Variants in PRKG1 observed in about 807,000 individuals in gnomAD.
PRKG1 encodes the protein cGMP-dependent protein kinase 1.
PRKG1 carries 35 observed loss-of-function variants against 88.1 expected under a neutral mutation model. The ratio of observed to expected loss-of-function variants is 0.40; its 90% CI spans 0.30 to 0.53. The LOEUF (loss-of-function observed/expected upper bound fraction) is 0.53. Among genes scored for constraint, PRKG1 ranks in the 20% least tolerant of loss-of-function variants. The probability of loss-of-function intolerance (pLI) is 0.59; values close to 1 mark genes in which losing one functional copy is unlikely to be tolerated. For synonymous variants in PRKG1, 303 were observed against 292.5 expected, an observed-to-expected ratio of 1.04 and a Z score of -0.37; for missense variants, 540 against 839.8, an observed-to-expected ratio of 0.64 and a Z score of 4.41.
At chr10:51,338,631 G>A (rs922573074) in intron 2 of PRKG1, among the ~76,000 whole-genome samples, 14 of 152,132 alleles carry the variant, frequency 9.2e-5, no homozygotes, top group African/African-American at 1.2e-4. Flanking sequence ...TACATGCAGC[G>A]CTGCCATTAA....
intron 7 of PRKG1, among the ~76,000 whole-genome samples, chr10:52,111,264 A>G (rs1847557462): frequency 6.6e-6 from 1 of 152,228 alleles, no homozygotes; most frequent in Non-Finnish European, 1.5e-5. Context: ...ATCTTCTTTA[A>G]ATTAAACAAT....
Position 51,762,514 on chromosome 10 carries a change from A to G in PRKG1, c.593-42071A>G, listed in dbSNP as rs137855833. 6.6e-3 allele frequency among the ~76,000 whole-genome samples: 1,008 copies of G among 152,332 alleles called. 10 individuals are homozygous for G. Among genetic ancestry groups the G allele is most frequent in the South Asian group, 0.024 (117 of 4,832 alleles). On this transcript the variant is annotated intron_variant, in intron 3 of 17. Transcript: ENST00000373980. ...ATATTCAATCGACCTTAAATTCTAC[A>G]TCTAAAATATGATGGATAAAATGCA...
intron 3 of PRKG1, among the ~76,000 whole-genome samples, chr10:51,534,507 A>G (rs1842093951): frequency 6.6e-6 from 1 of 151,406 alleles, no homozygotes; most frequent in African/African-American, 2.4e-5. Flanking sequence ...TCTCTCCTAA[A>G]AATACAAAAC....
At chr10:51,628,029 T>C (rs1297446171) in intron 3 of PRKG1, among the ~76,000 whole-genome samples, 3 of 140,108 alleles carry the variant, frequency 2.1e-5, no homozygotes, top group African/African-American at 7.7e-5. Context: ...TTTCTTTCTT[T>C]CTTTCTTTCC....
intron 3 of PRKG1, among the ~76,000 whole-genome samples, chr10:51,659,056 G>A (rs1353362798): frequency 6.6e-6 from 1 of 152,012 alleles, no homozygotes; most frequent in Non-Finnish European, 1.5e-5. Flanking sequence ...TATGCAATTT[G>A]CCCACTTTGC....
At chr10:51,432,192 G>T (rs1838791156) in intron 2 of PRKG1, among the ~76,000 whole-genome samples, 1 of 152,124 alleles carries the variant, frequency 6.6e-6, no homozygotes, top group Admixed American at 6.5e-5. Context: ...TATTGAAAGA[G>T]TTTTTAAACT....
chr10:51,996,219 A>T (rs1005386971), intron 5 of PRKG1, among the ~76,000 whole-genome samples: 4 of 147,262 alleles, frequency 2.7e-5, no homozygotes, highest in Admixed American at 6.9e-5. Context: ...GGAGGCTTTG[A>T]CAGGAGAATC....
At chr10:51,105,007 G>A (rs529167948) in intron 1 of PRKG1, among the ~76,000 whole-genome samples, 104 of 152,230 alleles carry the variant, frequency 6.8e-4, no homozygotes, top group African/African-American at 2.5e-3. Flanking sequence ...TGGGATTACA[G>A]GCATGGGCCA....
chr10:51,321,504 A>G (rs1031716275), intron 2 of PRKG1, among the ~76,000 whole-genome samples: 1 of 152,164 alleles, frequency 6.6e-6, no homozygotes, highest in Non-Finnish European at 1.5e-5. Context: ...AAGTGAAATA[A>G]GCCAGGCACG....
intron 5 of PRKG1, among the ~76,000 whole-genome samples, chr10:51,940,173 CT>C (rs978119630): frequency 4.0e-5 from 6 of 151,714 alleles, no homozygotes; most frequent in African/African-American, 1.5e-4. Context: ...ATATCCCCTG[CT>C]TTTTTTGGTT....
intron 1 of PRKG1, among the ~76,000 whole-genome samples, chr10:51,013,305 T>G (rs1843015357): frequency 6.6e-6 from 1 of 152,222 alleles, no homozygotes; most frequent in Non-Finnish European, 1.5e-5. Flanking sequence ...TCACTGCTGC[T>G]GCTACTATTA....
At chr10:51,545,892 C>A (rs544007624) in intron 3 of PRKG1, among the ~76,000 whole-genome samples, 167 of 151,982 alleles carry the variant, frequency 1.1e-3, no homozygotes, top group South Asian at 2.7e-3. Context: ...CCCTACACCC[C>A]CACCCAGCAC....
At position 51,777,264 on chromosome 10, in the gene PRKG1, T is replaced by C. The variant is rs546478044; in HGVS notation, c.593-27321T>C. On this transcript the variant is annotated intron_variant, in intron 3 of 17. Coordinates refer to ENST00000373980, the MANE Select transcript of PRKG1 (RefSeq NM_006258.4). The stretch of plus-strand genomic sequence containing the variant: ...AATGCCAGGTATGCATTATTATGTC[T>C]ATTACAAAGAAGAAGCATTTGACAT... Among the ~76,000 whole-genome samples, 4 of 152,252 alleles carry C rather than the reference T, an allele frequency of 2.6e-5. No homozygotes were observed. In the East Asian group the frequency reaches 7.7e-4, roughly 29 times the overall value.
intron 17 of PRKG1, among the ~76,000 whole-genome samples, chr10:52,292,164 C>G (rs1001824544): frequency 6.6e-6 from 1 of 150,630 alleles, no homozygotes; most frequent in African/African-American, 2.4e-5. Flanking sequence ...GGATATTAGC[C>G]CTTTGTCAGA....
intron 2 of PRKG1, among the ~76,000 whole-genome samples, chr10:51,429,318 G>A (rs565165938): frequency 2.0e-5 from 3 of 152,244 alleles, no homozygotes; most frequent in South Asian, 2.1e-4. Flanking sequence ...ACTTAATCTA[G>A]AAAATCACTG....
intron 2 of PRKG1, among the ~76,000 whole-genome samples, chr10:51,363,695 G>A (rs375678282): frequency 3.3e-5 from 5 of 151,802 alleles, no homozygotes; most frequent in Non-Finnish European, 5.9e-5. Flanking sequence ...GGTAGGAGTC[G>A]TGAGTCTTTT....
chr10:52,160,122 T>A (rs1564495179), intron 8 of PRKG1, among the ~76,000 whole-genome samples: 1 of 151,946 alleles, frequency 6.6e-6, no homozygotes, highest in African/African-American at 2.4e-5. Context: ...TATTATCTAT[T>A]TATAATAAAA....
chr10:51,431,943 A>G (rs1321070688), intron 2 of PRKG1, among the ~76,000 whole-genome samples: 1 of 152,160 alleles, frequency 6.6e-6, no homozygotes, highest in African/African-American at 2.4e-5. Flanking sequence ...CCATTTTTAT[A>G]TGTTCTTTTT....
At chr10:51,133,719 A>G (rs1020037804) in intron 1 of PRKG1, among the ~76,000 whole-genome samples, 1 of 152,230 alleles carries the variant, frequency 6.6e-6, no homozygotes, top group South Asian at 2.1e-4. Context: ...ACAAGCTTTT[A>G]TACATGATTT....
Sources: gnomAD v4.1 joint callset for allele counts (sites outside exome capture counted in the v4.1 genomes callset) on GRCh38, gnomAD v4.1.1 for gene constraint, MANE v1.5 for transcripts, NCBI Gene and HGNC (gene_info 2026-07-23, HGNC 2026-07-21) for gene names.